Variants in HIVEP3 observed in about 807,000 individuals in gnomAD.
HIVEP3 encodes the protein transcription factor HIVEP3.
In HIVEP3, 49 loss-of-function variants were observed where a neutral mutation model predicts 152.8. That is an observed-to-expected ratio of 0.32 (90% CI 0.26 to 0.41). HIVEP3 has a LOEUF of 0.41. Ranked by LOEUF, HIVEP3 falls within the 10% of genes least tolerant of loss-of-function variation. HIVEP3 has a pLI of 1.00. For missense variants in HIVEP3, 2,790 were observed against 3,103.3 expected (o/e 0.90, Z 2.40); for synonymous variants, 1,269 against 1,289.0 (o/e 0.98, Z 0.33).
At chr1:42,029,327 A>G (rs964070010) in intron 1 of HIVEP3, among the ~76,000 whole-genome samples, 1 of 152,190 alleles carries the variant, frequency 6.6e-6, no homozygotes, top group Non-Finnish European at 1.5e-5. Context: ...CTTATTGAAA[A>G]GCATTTGGGC....
chr1:41,538,571 G>T (rs996026683), intron 5 of HIVEP3, among the ~76,000 whole-genome samples: 2 of 152,142 alleles, frequency 1.3e-5, no homozygotes, highest in Non-Finnish European at 2.9e-5. Context: ...CAGCTCAGGG[G>T]TCTAATGCCC....
intron 1 of HIVEP3, among the ~76,000 whole-genome samples, chr1:41,861,250 C>T (rs1409297659): frequency 6.6e-6 from 1 of 152,186 alleles, no homozygotes. Context: ...CACTTTAATT[C>T]CTCCAAAATA....
intron 3 of HIVEP3, among the ~76,000 whole-genome samples, chr1:41,597,409 C>A (rs184087365): frequency 6.6e-6 from 1 of 152,346 alleles, no homozygotes; most frequent in African/African-American, 2.4e-5. Context: ...AGAGGAAGAT[C>A]ATCTAAACCA....
chr1:42,022,823 A>G (rs573612425), intron 1 of HIVEP3, among the ~76,000 whole-genome samples: 3 of 152,206 alleles, frequency 2.0e-5, no homozygotes, highest in Non-Finnish European at 4.4e-5. Context: ...GTAAGTACTT[A>G]AAGTATCTTG....
intron 1 of HIVEP3, among the ~76,000 whole-genome samples, chr1:41,743,169 GA>G (rs1237050350): frequency 1.3e-5 from 2 of 152,066 alleles, no homozygotes; most frequent in African/African-American, 4.8e-5. Flanking sequence ...CATGAGGCAG[GA>G]ACCAGAGGTG....
chr1:41,925,547 G>C (rs1483051504), intron 1 of HIVEP3, among the ~76,000 whole-genome samples: 1 of 152,146 alleles, frequency 6.6e-6, no homozygotes, highest in Non-Finnish European at 1.5e-5. Flanking sequence ...GGAAGAGTTG[G>C]TCTTGGTATC....
intron 5 of HIVEP3, among the ~76,000 whole-genome samples, chr1:41,539,778 A>C (rs975798536): frequency 1.3e-5 from 2 of 152,200 alleles, no homozygotes. Flanking sequence ...TCTTCTTCTC[A>C]TTATTATTTT....
intron 1 of HIVEP3, among the ~76,000 whole-genome samples, chr1:41,974,425 C>T (rs1645248068): frequency 6.6e-6 from 1 of 151,470 alleles, no homozygotes; most frequent in Non-Finnish European, 1.5e-5. Context: ...AGCATGCTAT[C>T]ACACCTGGCC....
At chr1:42,033,357 T>C (rs1020843172) in intron 1 of HIVEP3, among the ~76,000 whole-genome samples, 2 of 152,150 alleles carry the variant, frequency 1.3e-5, no homozygotes, top group African/African-American at 4.8e-5. Context: ...CACTCCTTGG[T>C]GCAACAAAAT....
At chr1:41,886,935 CCT>C (rs1009520166) in intron 1 of HIVEP3, among the ~76,000 whole-genome samples, 2 of 151,996 alleles carry the variant, frequency 1.3e-5, no homozygotes, top group African/African-American at 4.8e-5. Context: ...ACATTTTCCC[CCT>C]TTTTGGTGGG....
intron 1 of HIVEP3, among the ~76,000 whole-genome samples, chr1:41,903,649 C>T (rs141058272): frequency 6.6e-6 from 1 of 152,344 alleles, no homozygotes; most frequent in Non-Finnish European, 1.5e-5. Context: ...AAGCCAGATG[C>T]AACCAAGCTA....
chr1:41,894,459 T>G (rs1644498112), intron 1 of HIVEP3, among the ~76,000 whole-genome samples: 1 of 152,226 alleles, frequency 6.6e-6, no homozygotes, highest in African/African-American at 2.4e-5. Context: ...GCAGCAAATG[T>G]GGCTTCTCAA....
chr1:41,615,815 C>CTTTTTT (rs747478470), intron 3 of HIVEP3, among the ~76,000 whole-genome samples: 6 of 47,020 alleles, frequency 1.3e-4, no homozygotes, highest in East Asian at 8.5e-4. Context: ...TTTGACAAGT[C>CTTTTTT]TTTTTTTTTT....
chr1:41,863,893 T>C (rs111817610), intron 1 of HIVEP3, among the ~76,000 whole-genome samples: 869 of 152,282 alleles, frequency 5.7e-3, no homozygotes, highest in Non-Finnish European at 9.4e-3. Flanking sequence ...TTGCAGGAAA[T>C]GAGCAAATAC....
At chr1:41,994,681 A>T (rs1489172248) in intron 1 of HIVEP3, among the ~76,000 whole-genome samples, 1 of 152,168 alleles carries the variant, frequency 6.6e-6, no homozygotes, top group African/African-American at 2.4e-5. Context: ...CTGAACTGTG[A>T]GTCACTTAAA....
intron 3 of HIVEP3, among the ~76,000 whole-genome samples, chr1:41,600,859 C>T (rs1210294296): frequency 1.3e-5 from 2 of 152,076 alleles, no homozygotes; most frequent in South Asian, 2.1e-4. Flanking sequence ...GTTTTACAGT[C>T]TTAGGTTTTA....
At chr1:41,658,584 A>G (rs1570244929) in intron 2 of HIVEP3, among the ~76,000 whole-genome samples, 2 of 151,554 alleles carry the variant, frequency 1.3e-5, no homozygotes, top group Non-Finnish European at 2.9e-5. Context: ...CACCCCCCCC[A>G]TGAGCCTCGG....
At chr1:41,747,411 G>A (rs1647089059) in intron 1 of HIVEP3, among the ~76,000 whole-genome samples, 1 of 152,158 alleles carries the variant, frequency 6.6e-6, no homozygotes, top group Non-Finnish European at 1.5e-5. Context: ...CAAAGCTACT[G>A]GCAACTCTCA....
intron 1 of HIVEP3, among the ~76,000 whole-genome samples, chr1:41,770,032 G>A (rs1648248851): frequency 6.6e-6 from 1 of 152,118 alleles, no homozygotes; most frequent in African/African-American, 2.4e-5. Context: ...GCAGTGGCAC[G>A]ATCTTGGCTC....
Sources: gnomAD v4.1 joint callset for allele counts (sites outside exome capture counted in the v4.1 genomes callset) on GRCh38, gnomAD v4.1.1 for gene constraint, MANE v1.5 for transcripts, NCBI Gene and HGNC (gene_info 2026-07-23, HGNC 2026-07-21) for gene names.